DOCK4: variants seen among roughly 807,000 people sequenced by gnomAD.
DOCK4 encodes dedicator of cytokinesis 4.
DOCK4 carries 97 observed loss-of-function variants against 268.1 expected under a neutral mutation model. The ratio of observed to expected loss-of-function variants is 0.36; its 90% CI spans 0.31 to 0.43. The LOEUF is 0.43. Among genes scored for constraint, DOCK4 ranks in the 20% least tolerant of loss-of-function variants. The probability of loss-of-function intolerance (pLI) is 1.00; values close to 1 mark genes in which losing one functional copy is unlikely to be tolerated. For synonymous variants in DOCK4, 954 were observed against 887.2 expected (o/e 1.08, Z -1.34); for missense variants, 2,145 against 2,455.7 (o/e 0.87, Z 2.67).
chr7:112,096,997 A>G (rs189050846), intron 1 of DOCK4, among the ~76,000 whole-genome samples: 120 of 152,336 alleles, frequency 7.9e-4, no homozygotes, highest in African/African-American at 2.6e-3. Context: ...TGGAATGCGT[A>G]TCAGATGGAG....
intron 1 of DOCK4, among the ~76,000 whole-genome samples, chr7:112,165,196 C>T (rs537073941): frequency 6.6e-6 from 1 of 152,170 alleles, no homozygotes; most frequent in East Asian, 1.9e-4. Flanking sequence ...GTCACCAGAG[C>T]ACAGTACAGT....
intron 1 of DOCK4, among the ~76,000 whole-genome samples, chr7:112,097,895 G>T (rs192217468): frequency 1.3e-5 from 2 of 152,278 alleles, no homozygotes; most frequent in East Asian, 3.9e-4. Context: ...GAATTAAAGG[G>T]ATTCCACTGT....
chr7:111,991,974 A>G (rs1799578529), intron 5 of DOCK4, among the ~76,000 whole-genome samples: 1 of 150,074 alleles, frequency 6.7e-6, no homozygotes. Flanking sequence ...AAAAAAAAAA[A>G]AAAAAAAAAA....
rs1276078618 is a variant in DOCK4, at chr7:111,968,689, A to G, written c.701+8443T>C. 2.5e-4 allele frequency among the ~76,000 whole-genome samples: 31 copies of G among 123,874 alleles called. 7 individuals are homozygous for G. The East Asian group carries it at 7.7e-3, about 31-fold the overall frequency. 81.3% of individuals were successfully genotyped at this position (123,874 alleles called of 152,430 possible). ...GATCTAGAACTAGAAATGCCATTTG[A>G]CCCAGCCATCGCATTACTGGGTATA... On this transcript the variant is annotated intron_variant, in intron 8 of 52. Coordinates refer to ENST00000428084, the MANE Select transcript of DOCK4 (RefSeq NM_001363540.2).
chr7:111,960,652 TTCC>T (rs1796805398), intron 8 of DOCK4, among the ~76,000 whole-genome samples: 1 of 151,698 alleles, frequency 6.6e-6, no homozygotes, highest in South Asian at 2.1e-4. Context: ...CTTGGACTTA[TTCC>T]TCCTAACTGA....
chr7:112,028,545 G>A (rs1237465426), intron 1 of DOCK4, among the ~76,000 whole-genome samples: 2 of 152,150 alleles, frequency 1.3e-5, no homozygotes, highest in South Asian at 2.1e-4. Context: ...TGTAATTGTC[G>A]AATAATAACT....
intron 1 of DOCK4, among the ~76,000 whole-genome samples, chr7:112,010,273 G>A (rs1013147348): frequency 1.3e-5 from 2 of 152,036 alleles, no homozygotes; most frequent in Admixed American, 6.5e-5. Flanking sequence ...CTATTTCAAG[G>A]TACTTCCCTG....
intron 39 of DOCK4, among the ~76,000 whole-genome samples, chr7:111,764,652 T>C (rs1387750163): frequency 1.3e-5 from 2 of 152,154 alleles, no homozygotes; most frequent in African/African-American, 4.8e-5. Context: ...TAGCAATAAA[T>C]TGGGTCTCTT....
intron 13 of DOCK4, among the ~76,000 whole-genome samples, chr7:111,913,652 G>A (rs898362888): frequency 1.1e-4 from 16 of 150,250 alleles, no homozygotes; most frequent in Non-Finnish European, 1.6e-4. Context: ...CTCGTGATCC[G>A]CCCACCTCGG....
intron 1 of DOCK4, among the ~76,000 whole-genome samples, chr7:112,141,236 A>G (rs1349843660): frequency 6.6e-6 from 1 of 152,166 alleles, no homozygotes; most frequent in African/African-American, 2.4e-5. Context: ...TCCCACAGCA[A>G]TCCTCTACCA....
chr7:112,153,594 T>A (rs961964727), intron 1 of DOCK4, among the ~76,000 whole-genome samples: 5 of 152,198 alleles, frequency 3.3e-5, no homozygotes, highest in African/African-American at 1.2e-4. Context: ...TCTAAGTCAG[T>A]TGTCTGTTTC....
At chr7:111,745,492 C>A (rs900256870) in intron 44 of DOCK4, among the ~76,000 whole-genome samples, 1 of 151,646 alleles carries the variant, frequency 6.6e-6, no homozygotes, top group East Asian at 1.9e-4. Context: ...ACCATCCTGG[C>A]TAACACAGTG....
At chr7:112,066,190 T>G (rs1806912122) in intron 1 of DOCK4, among the ~76,000 whole-genome samples, 1 of 152,096 alleles carries the variant, frequency 6.6e-6, no homozygotes, top group Admixed American at 6.5e-5. Context: ...CCACTGTGGG[T>G]GGGCACTATC....
chr7:112,160,682 C>A (rs897582464), intron 1 of DOCK4, among the ~76,000 whole-genome samples: 3 of 152,180 alleles, frequency 2.0e-5, no homozygotes, highest in Non-Finnish European at 4.4e-5. Context: ...GGTCAGTGGC[C>A]ACTGCAGGAA....
At position 111,918,386 on chromosome 7, in the gene DOCK4, C is replaced by T. The variant is rs187033225; in HGVS notation, c.1067-2482G>A. 3.3e-5 allele frequency among the ~76,000 whole-genome samples: 5 copies of T among 152,164 alleles called. No homozygotes were observed. In the South Asian group the frequency reaches 8.3e-4, roughly 25 times the overall value. On this transcript the variant is annotated intron_variant, in intron 12 of 52. Transcript: ENST00000428084. ...CCCCATTCACTCTGAGTTAGGTGAC[C>T]GATGACAATAAAATGGAGAGTGTCT...
intron 23 of DOCK4, among the ~76,000 whole-genome samples, chr7:111,851,308 G>A (rs538156475): frequency 4.4e-4 from 67 of 152,090 alleles, no homozygotes; most frequent in African/African-American, 1.6e-3. Flanking sequence ...GCTGGGCGTG[G>A]CGGCACGCGC....
chr7:111,823,299 C>G (rs370913026), intron 26 of DOCK4, among the ~76,000 whole-genome samples: 2 of 150,668 alleles, frequency 1.3e-5, no homozygotes, highest in Non-Finnish European at 2.9e-5. Flanking sequence ...CTCCACCTCC[C>G]GGGTTCAAGC....
At position 111,929,935 on chromosome 7, in the gene DOCK4, A is replaced by AT. The variant is rs1319145877; in HGVS notation, c.1066+5604dup. Among the ~76,000 whole-genome samples, 6 of 152,326 alleles carry AT rather than the reference A, an allele frequency of 3.9e-5. No homozygotes were observed. In the East Asian group the frequency reaches 1.2e-3, roughly 29 times the overall value. The stretch of plus-strand genomic sequence containing the variant: ...GGGACATACTGAACCATAGCCAATG[A>AT]TTTTTACACACCGTTTCAAGACGTA... On this transcript the variant is annotated intron_variant, in intron 12 of 52. Transcript: ENST00000428084.
In DOCK4 at chr7:111,755,517, C is replaced by T; in HGVS notation, c.4414G>A (p.Val1472Met). Residue 1472 changes from valine to methionine, a missense_variant and splice_region_variant, in exon 42 of 53, where the codon GTG (valine) becomes ATG (methionine). Coordinates refer to ENST00000428084, the MANE Select transcript of DOCK4 (RefSeq NM_001363540.2). ...SRWFEVEKRE[V>M]VEMSPLENAI... Reference sequence around the variant, plus strand: ...TGAGAACAAGCTCTGATCCTTACCACTTCACGCTTTTCCACTTCAAACCAG... The same window carrying T: ...TGAGAACAAGCTCTGATCCTTACCATTTCACGCTTTTCCACTTCAAACCAG... 1 of 1,613,956 alleles carries T rather than the reference C, an allele frequency of 6.2e-7. No homozygotes were observed. Among genetic ancestry groups the T allele is most frequent in the Non-Finnish European group, 8.5e-7 (1 of 1,179,874 alleles).
Sources: allele counts gnomAD v4.1 joint callset (sites outside exome capture counted in the v4.1 genomes callset), GRCh38; gene constraint gnomAD v4.1.1; transcripts MANE v1.5; gene names NCBI Gene and HGNC (gene_info 2026-07-23, HGNC 2026-07-21).